The following NAV1 variants were observed in gnomAD, a reference collection of about 807,000 sequenced individuals.
NAV1 encodes neuron navigator 1.
In NAV1, 18 loss-of-function variants were observed where a neutral mutation model predicts 175.2. The observed-to-expected ratio is 0.10, with a 90% confidence interval of 0.07 to 0.15. NAV1 has a LOEUF of 0.15. Ranked by LOEUF, NAV1 falls within the 10% of genes least tolerant of loss-of-function variation. The probability of loss-of-function intolerance (pLI) is 1.00; values close to 1 mark genes in which losing one functional copy is unlikely to be tolerated. For missense variants in NAV1, 1,731 were observed against 2,436.6 expected, an observed-to-expected ratio of 0.71 and a Z score of 6.10; for synonymous variants, 897 against 978.7, an observed-to-expected ratio of 0.92 and a Z score of 1.56.
chr1:201,593,642 G>A (rs1300453817), intron 2 of NAV1, among the ~76,000 whole-genome samples: 2 of 152,152 alleles, frequency 1.3e-5, no homozygotes, highest in African/African-American at 2.4e-5. Context: ...GGGCCCGCAC[G>A]ATATGTGCAG....
chr1:201,721,245 A>T (rs1042707797), intron 3 of NAV1, among the ~76,000 whole-genome samples: 1 of 152,238 alleles, frequency 6.6e-6, no homozygotes, highest in Non-Finnish European at 1.5e-5. Context: ...AGTTTACAAG[A>T]TCATTTCACA....
At chr1:201,646,151 C>T (rs1216216973), upstream of NAV1, among the ~76,000 whole-genome samples, 1 of 152,214 alleles carries the variant, frequency 6.6e-6, no homozygotes, top group Admixed American at 6.5e-5. Context: ...TTTGGGCACT[C>T]TCTGTGCCTT....
At chr1:201,669,348 C>T (rs1669948642) in intron 1 of NAV1, among the ~76,000 whole-genome samples, 1 of 152,080 alleles carries the variant, frequency 6.6e-6, no homozygotes, top group South Asian at 2.1e-4. Flanking sequence ...TCAGCCAGGG[C>T]TCTGAGGCTG....
intron 2 of NAV1, among the ~76,000 whole-genome samples, chr1:201,713,120 T>A (rs1438834385): frequency 6.6e-6 from 1 of 152,216 alleles, no homozygotes; most frequent in Admixed American, 6.5e-5. Context: ...TGCTTGTGCC[T>A]GAACATTTCA....
At chr1:201,642,023 C>T (rs12058563) in intron 2 of NAV1, among the ~76,000 whole-genome samples, 1,743 of 147,118 alleles carry the variant, frequency 0.012, 35 homozygotes, top group African/African-American at 0.042. Flanking sequence ...CTCTTTCTTT[C>T]TCTTCCTTCC....
intron 3 of NAV1, among the ~76,000 whole-genome samples, chr1:201,726,764 C>T (rs917060052): frequency 1.2e-4 from 18 of 151,868 alleles, no homozygotes; most frequent in Non-Finnish European, 2.2e-4. Flanking sequence ...AATAAGATTT[C>T]TTAAACTTGG....
intron 1 of NAV1, among the ~76,000 whole-genome samples, chr1:201,675,337 C>G (rs1670205193): frequency 6.6e-6 from 1 of 152,212 alleles, no homozygotes; most frequent in African/African-American, 2.4e-5. Context: ...GTCCCCTGCT[C>G]CTGAGATCCC....
At chr1:201,587,504 G>T (rs550195305) in intron 1 of NAV1, among the ~76,000 whole-genome samples, 8 of 151,542 alleles carry the variant, frequency 5.3e-5, no homozygotes, top group Admixed American at 2.0e-4. Flanking sequence ...TGGGAAACAC[G>T]GCAAAACCTC....
Position 201,752,610 on chromosome 1 carries a change from C to CT in NAV1, c.1227-27798dup, listed in dbSNP as rs764392937. Among the ~76,000 whole-genome samples, 155 of 143,126 alleles carry CT rather than the reference C, an allele frequency of 1.1e-3. 1 individual carries two copies. Among genetic ancestry groups the CT allele is most frequent in the Admixed American group, 4.0e-3 (57 of 14,276 alleles). 93.9% of individuals were successfully genotyped at this position (143,126 alleles called of 152,430 possible). On this transcript the variant is annotated intron_variant, in intron 3 of 29. Coordinates refer to ENST00000367296, the Ensembl canonical transcript of NAV1. ...AGAAGGTAACGGATTACAGCTTTGC[C>CT]TTTTTTTTTTTTTAATTGCTCTGTA...
intron 1 of NAV1, among the ~76,000 whole-genome samples, chr1:201,695,604 A>G (rs1190338033): frequency 6.6e-6 from 1 of 152,182 alleles, no homozygotes; most frequent in Non-Finnish European, 1.5e-5. Context: ...ATTTGGCTCT[A>G]TTTACTTGGG....
intron 3 of NAV1, among the ~76,000 whole-genome samples, chr1:201,748,941 A>C (rs1273954952): frequency 1.3e-5 from 2 of 152,190 alleles, no homozygotes; most frequent in African/African-American, 2.4e-5. Context: ...TGAGGTCAGG[A>C]GTTCGAGACC....
intron 3 of NAV1, among the ~76,000 whole-genome samples, chr1:201,722,971 CGTG>C (rs1553259379): frequency 6.6e-6 from 1 of 152,108 alleles, no homozygotes; most frequent in Non-Finnish European, 1.5e-5. Flanking sequence ...AACTAGCTGG[CGTG>C]GTGGTGCGTG....
At chr1:201,647,467 A>G (rs575160431), upstream of NAV1, among the ~76,000 whole-genome samples, 1 of 152,320 alleles carries the variant, frequency 6.6e-6, no homozygotes, top group African/African-American at 2.4e-5. Context: ...AGCTGGTATT[A>G]TAACCACTAT....
chr1:201,809,579 G>A lies in NAV1; in HGVS notation c.4401+42G>A, dbSNP rs188987115. 240 of 1,566,988 alleles carry A rather than the reference G, an allele frequency of 1.5e-4. No homozygotes were observed. The African/African-American group carries it at 2.1e-3, about 13-fold the overall frequency. ...ACTCAAAAAGGTTGTTCATCCTCTC[G>A]TGGAATATATATACTTTTTTAGAGA... On this transcript the variant is annotated intron_variant, in intron 22 of 29. Coordinates refer to ENST00000367296, the Ensembl canonical transcript of NAV1.
At chr1:201,623,280 A>T (rs1472473868) in exon 1 of NAV1, 1 of 985,854 alleles carries the variant, frequency 1.0e-6, no homozygotes, top group African/African-American at 1.7e-5. Flanking sequence ...AGAAGAAAAA[A>T]GCCCAGGAAG....
At chr1:201,639,483 C>T (rs1171074686) in intron 2 of NAV1, among the ~76,000 whole-genome samples, 1 of 152,200 alleles carries the variant, frequency 6.6e-6, no homozygotes, top group African/African-American at 2.4e-5. Context: ...GCTGAGAAAC[C>T]AGTCACGAGA....
intron 2 of NAV1, among the ~76,000 whole-genome samples, chr1:201,714,017 C>T (rs1341346678): frequency 6.6e-6 from 1 of 152,110 alleles, no homozygotes; most frequent in Non-Finnish European, 1.5e-5. Flanking sequence ...CATTCTGTCG[C>T]CCACTGCCTC....
upstream of NAV1, chr1:201,648,244 G>T (rs1669043062): frequency 9.8e-7 from 1 of 1,024,956 alleles, no homozygotes. Context: ...CGGCAGTGCG[G>T]TGTCCACGGG....
At chr1:201,684,015 A>G (rs1006294985) in intron 1 of NAV1, among the ~76,000 whole-genome samples, 9 of 151,864 alleles carry the variant, frequency 5.9e-5, no homozygotes, top group Non-Finnish European at 1.2e-4. Context: ...CCAGTTCTAC[A>G]TTTTTTATTT....
Sources: gnomAD v4.1 joint callset for allele counts (sites outside exome capture counted in the v4.1 genomes callset) on GRCh38, gnomAD v4.1.1 for gene constraint, MANE v1.5 for transcripts, NCBI Gene and HGNC (gene_info 2026-07-23, HGNC 2026-07-21) for gene names.